The following MARCHF1 variants were observed in gnomAD, a reference collection of about 807,000 sequenced individuals.
The protein encoded by MARCHF1 is membrane associated ring-CH-type finger 1, also known as E3 ubiquitin-protein ligase MARCHF1.
Under a neutral mutation model 54.2 loss-of-function variants are expected in MARCHF1, and 40 were observed. That is an observed-to-expected ratio of 0.74 (90% confidence interval 0.57 to 0.96). The LOEUF (loss-of-function observed/expected upper bound fraction) is 0.96, where lower values mean the gene tolerates loss of function less well. Ranked by LOEUF, MARCHF1 falls within the 40% of genes least tolerant of loss-of-function variation. MARCHF1 has a pLI of 0.00. For synonymous variants in MARCHF1, 236 were observed against 236.3 expected, an observed-to-expected ratio of 1.00 and a Z score of 0.01; for missense variants, 586 against 656.5, an observed-to-expected ratio of 0.89 and a Z score of 1.17.
intron 1 of MARCHF1, among the ~76,000 whole-genome samples, chr4:164,377,143 A>G (rs2110976287): frequency 6.6e-6 from 1 of 151,362 alleles, no homozygotes; most frequent in East Asian, 2.0e-4. Flanking sequence ...TACCTGCAAC[A>G]TACAAGTCAC....
At chr4:163,524,652 T>G (rs1738037868), downstream of MARCHF1, 1 of 152,220 alleles carries the variant, frequency 6.6e-6, no homozygotes, top group African/African-American at 2.4e-5. Context: ...TTAAAAAATG[T>G]ATGTGTGTTT....
chr4:163,565,468 C>CA (rs1257296493), intron 8 of MARCHF1, among the ~76,000 whole-genome samples: 1 of 152,210 alleles, frequency 6.6e-6, no homozygotes, highest in African/African-American at 2.4e-5. Context: ...CATGGCAATA[C>CA]AGGACCTTCT....
At chr4:163,869,597 A>G (rs893550234) in intron 3 of MARCHF1, among the ~76,000 whole-genome samples, 2 of 152,122 alleles carry the variant, frequency 1.3e-5, no homozygotes, top group African/African-American at 2.4e-5. Flanking sequence ...ATTATCTGTC[A>G]GACAACCCAA....
chr4:164,248,126 C>T (rs781480311), intron 1 of MARCHF1, among the ~76,000 whole-genome samples: 8 of 151,798 alleles, frequency 5.3e-5, no homozygotes, highest in Non-Finnish European at 1.0e-4. Flanking sequence ...CTATATTATA[C>T]CTGAAGTACT....
intron 3 of MARCHF1, among the ~76,000 whole-genome samples, chr4:163,940,383 T>A (rs1338972688): frequency 6.6e-6 from 1 of 152,134 alleles, no homozygotes; most frequent in Admixed American, 6.6e-5. Context: ...ATGTATATAT[T>A]TATCTGTTTC....
At chr4:164,380,186 A>G (rs1731327243) in intron 1 of MARCHF1, among the ~76,000 whole-genome samples, 1 of 152,190 alleles carries the variant, frequency 6.6e-6, no homozygotes, top group Non-Finnish European at 1.5e-5. Context: ...CAGATATTCT[A>G]AAACCACAAT....
chr4:164,002,799 ATCTT>A (rs1753211638), intron 2 of MARCHF1, among the ~76,000 whole-genome samples: 1 of 151,896 alleles, frequency 6.6e-6, no homozygotes, highest in African/African-American at 2.4e-5. Flanking sequence ...CTAAAAGAAA[ATCTT>A]AAATAATGCT....
At chr4:163,585,008 TC>T (rs1455766787) in intron 8 of MARCHF1, 3 of 152,186 alleles carry the variant, frequency 2.0e-5, no homozygotes, top group Admixed American at 6.5e-5. Context: ...TTGTATAAGT[TC>T]ATTGTCCTTG....
intron 2 of MARCHF1, among the ~76,000 whole-genome samples, chr4:164,073,456 T>C (rs1457271580): frequency 1.3e-5 from 2 of 151,646 alleles, no homozygotes; most frequent in Non-Finnish European, 2.9e-5. Flanking sequence ...AGAGAACATA[T>C]GGACACACGG....
At chr4:163,683,369 A>G (rs930810484) in intron 5 of MARCHF1, among the ~76,000 whole-genome samples, 1 of 152,098 alleles carries the variant, frequency 6.6e-6, no homozygotes. Context: ...ACAGCACGGG[A>G]AAGACCTGCC....
At chr4:164,009,730 C>A (rs1753376585) in intron 2 of MARCHF1, among the ~76,000 whole-genome samples, 1 of 151,790 alleles carries the variant, frequency 6.6e-6, no homozygotes, top group African/African-American at 2.4e-5. Context: ...AAGCATTTGA[C>A]AAAATTCAAC....
rs774118937 is a variant in MARCHF1 at position 163,878,001 on chromosome 4, G to A, written c.-38-23832C>T. On this transcript the variant is annotated intron_variant, in intron 3 of 9. Coordinates refer to ENST00000514618, the MANE Select transcript of MARCHF1 (RefSeq NM_001394959.1). ...AACACACGCTTTCAAACATGGATTC[G>A]TGAGACGTTTCTCAAGCTACCTGAA... 2.6e-5 allele frequency among the ~76,000 whole-genome samples: 4 copies of A among 152,228 alleles called. No homozygotes were observed. In the South Asian group the frequency reaches 6.2e-4, roughly 24 times the overall value.
chr4:163,590,807 C>G (rs1740565413), intron 7 of MARCHF1, among the ~76,000 whole-genome samples: 1 of 151,950 alleles, frequency 6.6e-6, no homozygotes, highest in Non-Finnish European at 1.5e-5. Flanking sequence ...GTGTGTTGTC[C>G]ATTCACCCTG....
intron 7 of MARCHF1, among the ~76,000 whole-genome samples, chr4:163,590,428 A>C (rs1034340541): frequency 6.6e-6 from 1 of 152,054 alleles, no homozygotes; most frequent in Non-Finnish European, 1.5e-5. Context: ...TCATCCCCAC[A>C]GCAATTTCTC....
intron 1 of MARCHF1, among the ~76,000 whole-genome samples, chr4:164,139,784 G>C (rs1756482771): frequency 6.6e-6 from 1 of 152,106 alleles, no homozygotes; most frequent in African/African-American, 2.4e-5. Flanking sequence ...TATAAAACAT[G>C]TATATTTAAT....
At chr4:164,365,082 C>T (rs185983932) in intron 1 of MARCHF1, among the ~76,000 whole-genome samples, 3 of 152,078 alleles carry the variant, frequency 2.0e-5, no homozygotes, top group East Asian at 3.9e-4. Context: ...AGGCTGATTA[C>T]TATGTCTTCA....
At chr4:164,350,056 T>A (rs1730234485) in intron 1 of MARCHF1, among the ~76,000 whole-genome samples, 4 of 152,178 alleles carry the variant, frequency 2.6e-5, no homozygotes, top group Admixed American at 2.6e-4. Context: ...ATTGCAATGT[T>A]CACAATGCAT....
intron 4 of MARCHF1, among the ~76,000 whole-genome samples, chr4:163,741,431 A>G (rs936400542): frequency 6.6e-6 from 1 of 151,838 alleles, no homozygotes; most frequent in African/African-American, 2.4e-5. Flanking sequence ...CCAAAAATAC[A>G]AATTAGCCGG....
At chr4:163,712,004 T>G (rs1745121711) in intron 4 of MARCHF1, among the ~76,000 whole-genome samples, 1 of 152,206 alleles carries the variant, frequency 6.6e-6, no homozygotes, top group Non-Finnish European at 1.5e-5. Flanking sequence ...TATCAGAGTC[T>G]GCAGTGACTT....
Sources: allele counts gnomAD v4.1 joint callset (sites outside exome capture counted in the v4.1 genomes callset), GRCh38; gene constraint gnomAD v4.1.1; transcripts MANE v1.5; gene names NCBI Gene and HGNC (gene_info 2026-07-23, HGNC 2026-07-21).